Variants in ALDH3B2 observed in about 807,000 individuals in gnomAD.
ALDH3B2 encodes the protein aldehyde dehydrogenase family 3 member B2.
In ALDH3B2, 45 loss-of-function variants were observed where a neutral mutation model predicts 36.7. The observed-to-expected ratio is 1.23, with a 90% CI of 0.97 to 1.57. The LOEUF (loss-of-function observed/expected upper bound fraction) is 1.57, where lower values mean the gene tolerates loss of function less well. Among genes scored for constraint, ALDH3B2 ranks in the 40% most tolerant of loss-of-function variants. The pLI, the probability that ALDH3B2 is intolerant of heterozygous loss-of-function variation, is 0.00. For synonymous variants in ALDH3B2, 217 were observed against 226.5 expected (o/e 0.96, Z 0.38); for missense variants, 464 against 513.3 (o/e 0.90, Z 0.93).
chr11:67,666,436 C>A (rs1855915555), intron 4 of ALDH3B2, 35 bp from the exon 5 acceptor site: 1 of 1,606,572 alleles, frequency 6.2e-7, no homozygotes, highest in African/African-American at 1.3e-5. Context: ...TTGGGGGAGC[C>A]CAGGGTCCCC....
upstream of ALDH3B2, among the ~76,000 whole-genome samples, chr11:67,679,239 G>A (rs927410002): frequency 7.9e-5 from 12 of 152,060 alleles, no homozygotes; most frequent in African/African-American, 2.9e-4. Flanking sequence ...AGGCTGAGGT[G>A]GACGGATCAC....
rs61736819 is a variant in ALDH3B2, at chr11:67,665,356, C to T, written c.635G>A (p.Arg212Gln). ...GCTGCAGCCCAGCAATGCCCGCAGCCGCTGGAACTGTTTCTGGTTGATGAT... is the reference window on the plus strand; with the variant it reads ...GCTGCAGCCCAGCAATGCCCGCAGCTGCTGGAACTGTTTCTGGTTGATGAT... Residue 212 changes from arginine (R) to glutamine (Q), a missense_variant, in exon 7 of 10, where the codon CGG (arginine) becomes CAG (glutamine). Transcript: ENST00000349015. 1,634 of 1,613,512 alleles carry T rather than the reference C, an allele frequency of 1.0e-3. 1 individual carries two copies. Among genetic ancestry groups the T allele is most frequent in the Non-Finnish European group, 1.2e-3 (1,420 of 1,179,664 alleles).
intron 7 of ALDH3B2, 61 bp downstream of exon 7, chr11:67,665,224 G>C (rs1335565871): frequency 1.3e-6 from 2 of 1,539,306 alleles, no homozygotes; most frequent in Non-Finnish European, 1.7e-6. Flanking sequence ...GCCCAGCCGT[G>C]GGCCCTCCAT....
intron 4 of ALDH3B2, 42 bp from the exon 5 acceptor site, chr11:67,666,443 C>A (rs747470798): frequency 1.2e-6 from 2 of 1,605,702 alleles, no homozygotes; most frequent in South Asian, 2.2e-5. Flanking sequence ...AGCCCAGGGT[C>A]CCCATGCCCA....
intron 1 of ALDH3B2, among the ~76,000 whole-genome samples, chr11:67,672,095 A>ATGTG (rs1856137867): frequency 4.9e-5 from 4 of 81,530 alleles, no homozygotes; most frequent in Non-Finnish European, 9.1e-5. Flanking sequence ...ATATGTATGT[A>ATGTG]TGTATTTTGT....
At chr11:67,666,746 A>T (rs1489835819) in intron 3 of ALDH3B2, 52 bp from the exon 4 acceptor site, 1 of 1,610,590 alleles carries the variant, frequency 6.2e-7, no homozygotes, top group African/African-American at 1.3e-5. Context: ...CCCAAAGCCC[A>T]CCCACTGCAC....
intron 1 of ALDH3B2, among the ~76,000 whole-genome samples, chr11:67,680,874 T>C (rs1295907122): frequency 1.3e-5 from 2 of 152,156 alleles, no homozygotes; most frequent in Non-Finnish European, 2.9e-5. Context: ...GTTGAAACTA[T>C]ACAAGCACCC....
At chr11:67,680,722 T>C (rs1476378574) in intron 1 of ALDH3B2, among the ~76,000 whole-genome samples, 1 of 152,182 alleles carries the variant, frequency 6.6e-6, no homozygotes, top group East Asian at 1.9e-4. Flanking sequence ...TGGCCAATTG[T>C]CAAATTGTTA....
downstream of ALDH3B2, chr11:67,662,158 G>C (rs1241822772): frequency 6.6e-6 from 1 of 152,218 alleles, no homozygotes; most frequent in Non-Finnish European, 1.5e-5. Context: ...AGAAAGATAG[G>C]CTCTCCAGAA....
At chr11:67,668,071 G>A (rs1382221181) in intron 1 of ALDH3B2, 1 of 152,532 alleles carries the variant, frequency 6.6e-6, no homozygotes, top group Non-Finnish European at 1.5e-5. Context: ...GCTCTCCCCT[G>A]GGCCTCCCTC....
At chr11:67,665,446 G>A (rs1855875002) in exon 7 of ALDH3B2, 1 of 1,613,938 alleles carries the variant, frequency 6.2e-7, no homozygotes, top group Non-Finnish European at 8.5e-7. Context: ...GCTCTGCAGG[G>A]CGGGCAGCAG....
At chr11:67,669,717 CGTATGGGTGTCTGTGTGT>C (rs1388343143) in intron 1 of ALDH3B2, among the ~76,000 whole-genome samples, 106 of 64,076 alleles carry the variant, frequency 1.7e-3, no homozygotes, top group Admixed American at 2.6e-3. Flanking sequence ...TGTCTGTGTG[CGTATGGGTGTCTGTGTGT>C]GTATGGGTGT....
rs1010524187 is a variant in ALDH3B2 at position 67,663,889 on chromosome 11, C to G, written c.874-128G>C. 2.3e-5 allele frequency: 17 copies of G among 726,628 alleles called. 1 individual carries two copies. The highest frequency in any genetic ancestry group is 2.1e-4 in the Admixed American group (7 of 33,568). 45.0% of individuals were successfully genotyped at this position (726,628 alleles called of 1,614,324 possible). ...TCCACCCTCTAACGGGCAATAATCTCCGCTCTAAGCATCTTCTGGGGACAG... is the reference window on the plus strand; with the variant it reads ...TCCACCCTCTAACGGGCAATAATCTGCGCTCTAAGCATCTTCTGGGGACAG... On this transcript the variant is annotated intron_variant, in intron 8 of 9. Transcript: ENST00000349015.
chr11:67,665,003 C>T (rs1351342113), intron 7 of ALDH3B2, among the ~76,000 whole-genome samples: 3 of 152,168 alleles, frequency 2.0e-5, no homozygotes, highest in African/African-American at 4.8e-5. Flanking sequence ...CCTTTCAGGA[C>T]AGCCGGTGGT....
intron 9 of ALDH3B2, 41 bp downstream of exon 9, chr11:67,663,621 A>C: frequency 3.2e-6 from 5 of 1,579,022 alleles, no homozygotes; most frequent in Non-Finnish European, 3.5e-6. Flanking sequence ...TGGGGTACCA[A>C]AGCCAAGCTT....
At position 67,665,409 on chromosome 11, in the gene ALDH3B2, G is replaced by T. The variant is rs758599776; in HGVS notation, c.582C>A (p.Asp194Glu). 1.6e-5 allele frequency: 26 copies of T among 1,613,950 alleles called. No individual in the cohort carries two copies. In the Admixed American group the frequency reaches 4.3e-4, roughly 27 times the overall value. ...GGCCCAGGTTTGGGGAGCTCTGGGG[G>T]TCGTCGCCATAGAAACGGGTGATGG... Residue 194 changes from aspartate (D) to glutamate (E), a missense_variant, in exon 7 of 10, where the codon GAC becomes GAA. By Grantham distance (45) the Asp-to-Glu change is conservative. Coordinates refer to ENST00000349015, the Ensembl canonical transcript of ALDH3B2.
At chr11:67,671,967 G>A (rs1198792244) in intron 1 of ALDH3B2, among the ~76,000 whole-genome samples, 2 of 145,382 alleles carry the variant, frequency 1.4e-5, no homozygotes, top group African/African-American at 2.6e-5. Flanking sequence ...CCTGTGACCT[G>A]GAAGCTGCCC....
intron 6 of ALDH3B2, among the ~76,000 whole-genome samples, 185 bp downstream of exon 6, chr11:67,665,937 A>G (rs530865075): frequency 1.3e-5 from 2 of 151,962 alleles, no homozygotes; most frequent in East Asian, 3.9e-4. Flanking sequence ...CAGCCTGGCC[A>G]CTCCTGGATC....
At chr11:67,667,682 T>C (rs1272092443) in intron 1 of ALDH3B2, 47 bp from the exon 2 acceptor site, 7 of 291,594 alleles carry the variant, frequency 2.4e-5, no homozygotes, top group Non-Finnish European at 3.6e-5. Flanking sequence ...CTGCCCCTCC[T>C]TCACGGGCAC....
Sources: gnomAD v4.1 joint callset for allele counts (sites outside exome capture counted in the v4.1 genomes callset) on GRCh38, gnomAD v4.1.1 for gene constraint, MANE v1.5 for transcripts, NCBI Gene and HGNC (gene_info 2026-07-23, HGNC 2026-07-21) for gene names.